Variants in CCNL1 observed in about 807,000 individuals in gnomAD.
CCNL1 encodes the protein cyclin L1.
CCNL1 carries 13 observed loss-of-function variants against 60.6 expected under a neutral mutation model. The ratio of observed to expected loss-of-function variants is 0.21; its 90% CI spans 0.14 to 0.34. The LOEUF is 0.34. CCNL1 is among the 10% of genes least tolerant of loss of function. The pLI, the probability that CCNL1 is intolerant of heterozygous loss-of-function variation, is 1.00. For missense variants in CCNL1, 481 were observed against 664.3 expected (o/e 0.72, Z 3.03); for synonymous variants, 270 against 244.3 (o/e 1.10, Z -0.98).
At chr3:157,153,291 G>T in intron 3 of CCNL1, 135 bp from the exon 4 acceptor site, 1 of 774,768 alleles carries the variant, frequency 1.3e-6, no homozygotes, top group Non-Finnish European at 2.0e-6. Context: ...ACAAGTTAAA[G>T]CATTAATCTT....
At chr3:157,159,639 C>A (rs1174499047) in intron 1 of CCNL1, among the ~76,000 whole-genome samples, 153 bp downstream of exon 1, 1 of 152,200 alleles carries the variant, frequency 6.6e-6, no homozygotes, top group Non-Finnish European at 1.5e-5. Flanking sequence ...CGCAGCCCCC[C>A]GCCCCGGCAC....
chr3:157,151,921 AT>A (rs1218017670), intron 5 of CCNL1: 1 of 1,279,846 alleles, frequency 7.8e-7, no homozygotes, highest in East Asian at 4.6e-5. Flanking sequence ...ACTTACCATC[AT>A]GGACTACCCT....
chr3:157,146,682 C>T (rs1407415773), downstream of CCNL1: 2 of 362,596 alleles, frequency 5.5e-6, no homozygotes, highest in African/African-American at 2.2e-5. Flanking sequence ...TGACATTTGC[C>T]TTTGCCTTTC....
chr3:157,145,869 TTTC>T (rs1425849759), downstream of CCNL1, among the ~76,000 whole-genome samples: 1 of 152,236 alleles, frequency 6.6e-6, no homozygotes, highest in African/African-American at 2.4e-5. Context: ...CATGACCCAA[TTTC>T]TTCAAGTAAG....
chr3:157,151,485 C>G (rs1195563293), intron 5 of CCNL1: 1 of 985,718 alleles, frequency 1.0e-6, no homozygotes, highest in Non-Finnish European at 1.2e-6. Context: ...AATATTATTA[C>G]CCGCAATACA....
chr3:157,147,839 T>C lies in CCNL1; in HGVS notation c.*402A>G. 1 of 989,306 alleles carries C rather than the reference T, an allele frequency of 1.0e-6. No homozygotes were observed. The highest frequency in any genetic ancestry group is 1.2e-6 in the Non-Finnish European group (1 of 832,292). The allele number at this position is 989,306 out of a possible 1,614,324, so 61.3% of individuals were successfully genotyped here. On this transcript the variant is annotated 3_prime_UTR_variant, in exon 11 of 11. Coordinates refer to ENST00000295926, the MANE Select transcript of CCNL1 (RefSeq NM_020307.4). Reference sequence around the variant, plus strand: ...TGTATTTTATTTCCTTGTAAAAATCTTTACACATGCAGACAAACCAGTGTT... The same window carrying C: ...TGTATTTTATTTCCTTGTAAAAATCCTTACACATGCAGACAAACCAGTGTT...
chr3:157,149,288 G>C lies in CCNL1; in HGVS notation c.1231C>G (p.His411Asp). The change falls in exon 10 of 11, where the codon CAC becomes GAC. Residue 411 changes from histidine (H) to aspartate (D), a missense_variant and splice_region_variant. By Grantham distance (81) the His-to-Asp change is moderately conservative (BLOSUM62 -1). Around this residue, in one of 5 missense-constraint regions of CCNL1, gnomAD observed 197 missense variants for 233.9 expected, o/e 0.84. Transcript: ENST00000295926. ...TTCCCTAAGAAAACATTTACTTACTGTCTTCTTGGAGTATGTGATCTAGAA... is the reference window on the plus strand; with the variant it reads ...TTCCCTAAGAAAACATTTACTTACTCTCTTCTTGGAGTATGTGATCTAGAA... Reference protein sequence around the residue: ...SRSRSHTPRRHYNNRRSRSGT... With the variant: ...SRSRSHTPRRDYNNRRSRSGT... 1 of 1,607,416 alleles carries C rather than the reference G, an allele frequency of 6.2e-7. No homozygotes were observed. The highest frequency in any genetic ancestry group is 8.5e-7 in the Non-Finnish European group (1 of 1,174,046).
In CCNL1 at chr3:157,149,524, G is replaced by A. The variant is rs1343848013; in HGVS notation, c.1094C>T (p.Pro365Leu). 1.2e-6 allele frequency: 2 copies of A among 1,613,960 alleles called. No individual in the cohort carries two copies. The highest frequency in any genetic ancestry group is 8.5e-7 in the Non-Finnish European group (1 of 1,179,942). ...SINVKTVKKE[P>L]EDRQQASKSP... ...TTTGGAAGCCTGTTGTCTATCCTCAGGTTCTTTTTTGACTGTCTTCACATT... is the reference window on the plus strand; with the variant it reads ...TTTGGAAGCCTGTTGTCTATCCTCAAGTTCTTTTTTGACTGTCTTCACATT... The change falls in exon 9 of 11, where the codon CCT becomes CTT. Residue 365 changes from proline (P) to leucine (L), a missense_variant. Physicochemically the swap from Pro to Leu is moderately conservative, Grantham distance 98 (BLOSUM62 -3). This residue lies in a region of CCNL1 where 197 missense variants were observed against 233.9 expected (regional missense o/e 0.84). Transcript: ENST00000295926.
chr3:157,153,226 T>G, intron 3 of CCNL1, 70 bp from the exon 4 acceptor site: 1 of 1,516,176 alleles, frequency 6.6e-7, no homozygotes, highest in Non-Finnish European at 8.9e-7. Flanking sequence ...GGCATCTCCA[T>G]TTTCCCTTCC....
chr3:157,145,710 C>T (rs1577065395), downstream of CCNL1, among the ~76,000 whole-genome samples: 2 of 152,236 alleles, frequency 1.3e-5, no homozygotes, highest in East Asian at 3.9e-4. Context: ...GGTGTCCAGG[C>T]TTCTAATTCC....
chr3:157,159,538 G>T, intron 1 of CCNL1, 59 bp from the exon 2 acceptor site: 1 of 1,490,378 alleles, frequency 6.7e-7, no homozygotes, highest in Non-Finnish European at 9.2e-7. Flanking sequence ...TCCAGGCGCC[G>T]CCGCCATTTT....
In CCNL1 at chr3:157,149,933, T is replaced by G. The variant is rs1189212984; in HGVS notation, c.924A>C (p.Val308=). The change falls in exon 8 of 11, where the codon GTA becomes GTC. Residue 308 remains valine (V), a synonymous_variant. Coordinates refer to ENST00000295926, the MANE Select transcript of CCNL1 (RefSeq NM_020307.4). ...CTTTTAATTTGGCTTCTTGTAAGGC[T>G]ACTTTTCTTTTTTCTACTTCTTTTT... ...LLEKEVEKRK[V]ALQEAKLKAK... is the part of the protein sequence containing the mutation. The G allele has an allele frequency of 6.2e-7, 1 of 1,613,926 alleles. No individual in the cohort carries two copies. Among genetic ancestry groups the G allele is most frequent in the Admixed American group, 1.7e-5 (1 of 59,964 alleles).
At chr3:157,152,960 C>T (rs1738311102) in intron 4 of CCNL1, 76 bp downstream of exon 4, 2 of 1,573,560 alleles carry the variant, frequency 1.3e-6, no homozygotes, top group African/African-American at 2.8e-5. Context: ...CAGATAGAAA[C>T]ATAAATTCAT....
chr3:157,159,710 G>A, intron 1 of CCNL1, 82 bp downstream of exon 1: 1 of 1,292,656 alleles, frequency 7.7e-7, no homozygotes, highest in Middle Eastern at 2.7e-4. Context: ...CACCCTCCCG[G>A]GGCACGGTGA....
At chr3:157,151,745 A>G (rs1262050697) in intron 5 of CCNL1, 2 of 1,017,482 alleles carry the variant, frequency 2.0e-6, no homozygotes, top group Non-Finnish European at 2.4e-6. Flanking sequence ...AAGCAAATAT[A>G]CAAATCCTTT....
chr3:157,147,382 T>A (rs535256865), downstream of CCNL1, among the ~76,000 whole-genome samples: 4 of 152,304 alleles, frequency 2.6e-5, 1 homozygote, highest in African/African-American at 9.6e-5. Flanking sequence ...GGGCCTCACA[T>A]TTTCTCCTAG....
chr3:157,150,557 T>G (rs1275194613), intron 5 of CCNL1, 176 bp from the exon 6 acceptor site: 1 of 1,370,472 alleles, frequency 7.3e-7, no homozygotes, highest in East Asian at 2.6e-5. Context: ...CAATAAGAAT[T>G]TAATACTAGG....
intron 5 of CCNL1, chr3:157,151,188 A>G (rs1738162833): frequency 1.0e-6 from 1 of 984,946 alleles, no homozygotes; most frequent in Admixed American, 6.1e-5. Flanking sequence ...AAAAATAATG[A>G]GACTTTTCTA....
At chr3:157,146,604 G>A (rs1375364273), downstream of CCNL1, 3 of 331,998 alleles carry the variant, frequency 9.0e-6, no homozygotes, top group Non-Finnish European at 1.2e-5. Context: ...GCAAGACCTC[G>A]TCTCTAAAAA....
Sources: gnomAD v4.1 joint callset for allele counts (sites outside exome capture counted in the v4.1 genomes callset) on GRCh38, gnomAD v4.1.1 for gene constraint, gnomAD v4.1.1 regional missense constraint, MANE v1.5 for transcripts, NCBI Gene and HGNC (gene_info 2026-07-23, HGNC 2026-07-21) for gene names.